The following PTPRT variants were observed in gnomAD, a reference collection of about 807,000 sequenced individuals.
PTPRT encodes the protein protein tyrosine phosphatase receptor type T, also known as receptor-type tyrosine-protein phosphatase T.
Under a neutral mutation model 176.8 loss-of-function variants are expected in PTPRT, and 56 were observed. That is an observed-to-expected ratio of 0.32 (90% CI 0.26 to 0.40). The LOEUF (loss-of-function observed/expected upper bound fraction) is 0.40. PTPRT is among the 10% of genes least tolerant of loss of function. The pLI, the probability that PTPRT is intolerant of heterozygous loss-of-function variation, is 1.00. For missense variants in PTPRT, 1,540 were observed against 1,908.2 expected (o/e 0.81, Z 3.60); for synonymous variants, 783 against 739.0 (o/e 1.06, Z -0.96).
intron 2 of PTPRT, among the ~76,000 whole-genome samples, chr20:42,875,166 G>A (rs1440276537): frequency 6.6e-6 from 1 of 152,188 alleles, no homozygotes; most frequent in South Asian, 2.1e-4. Flanking sequence ...CATCTATGTG[G>A]ATATTAGCAC....
intron 6 of PTPRT, among the ~76,000 whole-genome samples, chr20:42,724,963 G>A (rs2076357081): frequency 6.6e-6 from 1 of 151,946 alleles, no homozygotes; most frequent in African/African-American, 2.4e-5. Flanking sequence ...TCTGCTATGT[G>A]AGAGAATACA....
intron 2 of PTPRT, among the ~76,000 whole-genome samples, chr20:42,811,540 T>A (rs6016894): frequency 0.024 from 3,590 of 152,266 alleles, 133 homozygotes; most frequent in African/African-American, 0.077. Context: ...GAAGAAAGCA[T>A]TAAGAGCTTG....
intron 1 of PTPRT, among the ~76,000 whole-genome samples, chr20:43,177,119 G>C (rs2015141300): frequency 6.6e-6 from 1 of 152,176 alleles, no homozygotes; most frequent in African/African-American, 2.4e-5. Context: ...GTCAGAAGTG[G>C]GACAGACATG....
intron 2 of PTPRT, among the ~76,000 whole-genome samples, chr20:42,808,321 G>C (rs1234903102): frequency 6.6e-6 from 1 of 152,170 alleles, no homozygotes; most frequent in Non-Finnish European, 1.5e-5. Flanking sequence ...GTGACAATGG[G>C]TCTGGGGAAG....
intron 9 of PTPRT, among the ~76,000 whole-genome samples, chr20:42,399,059 A>C (rs1196664116): frequency 6.6e-6 from 1 of 152,256 alleles, no homozygotes; most frequent in African/African-American, 2.4e-5. Context: ...GGCAAGAGCA[A>C]ACATTCCTAG....
At chr20:42,904,058 C>T (rs1041373287) in intron 1 of PTPRT, among the ~76,000 whole-genome samples, 2 of 152,190 alleles carry the variant, frequency 1.3e-5, no homozygotes, top group African/African-American at 4.8e-5. Context: ...AGCAAAAAAA[C>T]AGACCATCTA....
chr20:42,674,468 C>T (rs563375695), intron 7 of PTPRT, among the ~76,000 whole-genome samples: 37 of 152,258 alleles, frequency 2.4e-4, no homozygotes, highest in African/African-American at 8.7e-4. Context: ...ATATGATCAT[C>T]AGCAAATAAG....
At chr20:42,111,769 A>C (rs1987009232) in intron 22 of PTPRT, among the ~76,000 whole-genome samples, 2 of 152,244 alleles carry the variant, frequency 1.3e-5, no homozygotes, top group African/African-American at 4.8e-5. Context: ...CACAAGTTGT[A>C]AAGGGACCAT....
In PTPRT at chr20:42,610,119, T is replaced by G. The variant is rs73909910; in HGVS notation, c.1153+67747A>C. On this transcript the variant is annotated intron_variant, in intron 7 of 30. Coordinates refer to ENST00000373187, the MANE Select transcript of PTPRT (RefSeq NM_007050.6). ...CACCAGCTTTTTTCAGCGACTATTT[T>G]GCAATGTGATACACAGACTCAACAT... is the stretch of plus-strand genomic sequence containing the variant. Among the ~76,000 whole-genome samples, 859 of 152,264 alleles carry G rather than the reference T, an allele frequency of 5.6e-3. 8 individuals are homozygous for G. The highest frequency in any genetic ancestry group is 0.02 in the African/African-American group (821 of 41,564).
At chr20:42,816,175 G>A (rs549831033) in intron 2 of PTPRT, among the ~76,000 whole-genome samples, 142 of 152,288 alleles carry the variant, frequency 9.3e-4, no homozygotes, top group African/African-American at 3.3e-3. Context: ...GGCTCTGGAA[G>A]TGAGTAAGAT....
chr20:42,824,616 TTAAC>T (rs1779492732), intron 2 of PTPRT, among the ~76,000 whole-genome samples: 2 of 152,012 alleles, frequency 1.3e-5, no homozygotes, highest in Admixed American at 1.3e-4. Context: ...GAAAAATTAA[TTAAC>T]TAGCTAATTA....
intron 1 of PTPRT, among the ~76,000 whole-genome samples, chr20:43,132,203 G>A (rs2013665703): frequency 6.6e-6 from 1 of 152,102 alleles, no homozygotes; most frequent in Non-Finnish European, 1.5e-5. Context: ...TAATGAAAAA[G>A]AGATAGTAAA....
rs952056225 is a variant in PTPRT, at chr20:42,079,061, C to T, written c.*1818G>A. 9.9e-5 allele frequency: 18 copies of T among 182,180 alleles called. No individual in the cohort carries two copies. Among genetic ancestry groups the T allele is most frequent in the Non-Finnish European group, 2.1e-4 (18 of 85,560 alleles). 11.3% of individuals were successfully genotyped at this position (182,180 alleles called of 1,614,324 possible). ...TGGAGCTTCCTAGGTCCCAGCCCACCTGAGGCTGTCAGATATTGGGCCTAA... is the reference window on the plus strand; with the variant it reads ...TGGAGCTTCCTAGGTCCCAGCCCACTTGAGGCTGTCAGATATTGGGCCTAA... On this transcript the variant is annotated 3_prime_UTR_variant, in exon 31 of 31. Transcript: ENST00000373187.
intron 7 of PTPRT, among the ~76,000 whole-genome samples, chr20:42,620,715 A>C (rs2074177985): frequency 1.3e-5 from 2 of 152,196 alleles, no homozygotes; most frequent in African/African-American, 4.8e-5. Flanking sequence ...CAGGTGCGTC[A>C]GTCACCCCTT....
At position 42,077,363 on chromosome 20, in the gene PTPRT, G is replaced by A. The variant is rs1203050099; in HGVS notation, c.*3516C>T. The A allele has an allele frequency of 1.9e-5, 4 of 210,714 alleles. No homozygotes were observed. Among genetic ancestry groups the A allele is most frequent in the African/African-American group, 4.5e-5 (2 of 44,034 alleles). 13.1% of individuals were successfully genotyped at this position (210,714 alleles called of 1,614,324 possible). On this transcript the variant is annotated 3_prime_UTR_variant, in exon 31 of 31. Transcript: ENST00000373187. ...GCTATTTAGGCCATAAACACAGGTG[G>A]AGAAATTTCCTGGGCTTCTCATTAC...
At chr20:42,600,123 G>C (rs8123681) in intron 7 of PTPRT, among the ~76,000 whole-genome samples, 20,052 of 151,548 alleles carry the variant, frequency 0.13, 1,479 homozygotes, top group Middle Eastern at 0.19. Context: ...TTTGGTTTTT[G>C]TTGTTGTTGT....
the PTPRT span, among the ~76,000 whole-genome samples, chr20:42,051,075 G>A: frequency 6.6e-6 from 1 of 152,230 alleles, no homozygotes; most frequent in Non-Finnish European, 1.5e-5. Flanking sequence ...TTTACAAGAT[G>A]CTGAGAGATG....
intron 7 of PTPRT, among the ~76,000 whole-genome samples, chr20:42,651,238 A>G (rs1260588944): frequency 3.9e-5 from 6 of 152,204 alleles, no homozygotes; most frequent in East Asian, 3.9e-4. Context: ...GACAACGGAC[A>G]TATATTAAAC....
intron 6 of PTPRT, 107 bp from the exon 7 acceptor site, chr20:42,678,266 A>C (rs2075543520): frequency 9.5e-7 from 1 of 1,050,804 alleles, no homozygotes; most frequent in East Asian, 2.6e-5. Flanking sequence ...CCACAAAAAA[A>C]ATAGTCAGAA....
Sources: gnomAD v4.1 joint callset for allele counts (sites outside exome capture counted in the v4.1 genomes callset) on GRCh38, gnomAD v4.1.1 for gene constraint, MANE v1.5 for transcripts, NCBI Gene and HGNC (gene_info 2026-07-23, HGNC 2026-07-21) for gene names.